RGS22: variants seen among roughly 807,000 people sequenced by gnomAD.
RGS22 encodes the protein regulator of G protein signaling 22, also known as regulator of G-protein signaling 22.
RGS22 carries 148 observed loss-of-function variants against 172.9 expected under a neutral mutation model. The ratio of observed to expected loss-of-function variants is 0.86; its 90% CI spans 0.75 to 0.98. The LOEUF (loss-of-function observed/expected upper bound fraction) is 0.98, where lower values mean the gene tolerates loss of function less well. RGS22 is among the 50% of genes least tolerant of loss of function. The probability of loss-of-function intolerance (pLI) is 0.00; values close to 1 mark genes in which losing one functional copy is unlikely to be tolerated. For missense variants in RGS22, 1,347 were observed against 1,440.8 expected (o/e 0.93, Z 1.05); for synonymous variants, 458 against 480.2 (o/e 0.95, Z 0.60).
Position 99,978,024 on chromosome 8 carries a change from T to C in RGS22, c.3412A>G (p.Arg1138Gly), listed in dbSNP as rs1812170999. Residue 1138 changes from arginine (R) to glycine (G), a missense_variant, in exon 23 of 28, where the codon AGG (arginine) becomes GGG (glycine). By Grantham distance (125) the Arg-to-Gly change is moderately radical. Coordinates refer to ENST00000360863, the MANE Select transcript of RGS22 (RefSeq NM_015668.5). ...FKFWPQFCEF[R>G]KNLTDENIMS... Reference sequence around the variant, plus strand: ...ATATTTTCATCTGTTAAATTCTTCCTAAACTCACAGAACTGAGGCCAGAAT... The same window carrying C: ...ATATTTTCATCTGTTAAATTCTTCCCAAACTCACAGAACTGAGGCCAGAAT... 1.9e-6 allele frequency: 3 copies of C among 1,547,650 alleles called. No individual in the cohort carries two copies. Among genetic ancestry groups the C allele is most frequent in the Non-Finnish European group, 1.7e-6 (2 of 1,157,316 alleles).
chr8:99,968,135 G>A (rs1810949569), intron 23 of RGS22, among the ~76,000 whole-genome samples: 1 of 152,224 alleles, frequency 6.6e-6, no homozygotes. Flanking sequence ...ACCTGCAGAA[G>A]AGGGGCCTGA....
At chr8:100,079,005 A>G (rs1382565517) in intron 4 of RGS22, among the ~76,000 whole-genome samples, 7 of 152,260 alleles carry the variant, frequency 4.6e-5, no homozygotes, top group Non-Finnish European at 8.8e-5. Flanking sequence ...TTAATTAATC[A>G]GTCTATCTTC....
chr8:100,076,874 T>G (rs1158359530), intron 4 of RGS22, among the ~76,000 whole-genome samples: 1 of 152,100 alleles, frequency 6.6e-6, no homozygotes, highest in African/African-American at 2.4e-5. Flanking sequence ...ATGCCTGTAA[T>G]CTCAGCTACC....
At chr8:99,976,293 C>T (rs1234571428) in intron 23 of RGS22, among the ~76,000 whole-genome samples, 1 of 152,140 alleles carries the variant, frequency 6.6e-6, no homozygotes, top group Non-Finnish European at 1.5e-5. Context: ...AGTTAAAAAA[C>T]ATTAAAACAG....
At chr8:100,021,746 CAAT>C (rs536747820) in intron 14 of RGS22, among the ~76,000 whole-genome samples, 98 of 145,800 alleles carry the variant, frequency 6.7e-4, no homozygotes, top group African/African-American at 2.3e-3. Context: ...TTATATAAAA[CAAT>C]GAGATGAACT....
At chr8:100,009,960 G>A (rs993808373) in intron 14 of RGS22, among the ~76,000 whole-genome samples, 1 of 152,144 alleles carries the variant, frequency 6.6e-6, no homozygotes, top group African/African-American at 2.4e-5. Context: ...TATAATACAG[G>A]ACGGTAAGTG....
chr8:100,077,033 T>C (rs1811405325), intron 4 of RGS22, among the ~76,000 whole-genome samples: 1 of 152,104 alleles, frequency 6.6e-6, no homozygotes, highest in South Asian at 2.1e-4. Context: ...TTAAATTCCA[T>C]GAGCTTATAG....
intron 12 of RGS22, among the ~76,000 whole-genome samples, chr8:100,040,380 T>A (rs1264178422): frequency 1.3e-5 from 2 of 152,224 alleles, no homozygotes; most frequent in Admixed American, 1.3e-4. Flanking sequence ...TCAGGCAAAG[T>A]AAGACCATTT....
chr8:99,965,534 G>A (rs1588861181), intron 23 of RGS22, 104 bp from the exon 24 acceptor site: 1 of 796,762 alleles, frequency 1.3e-6, no homozygotes, highest in Non-Finnish European at 2.0e-6. Context: ...ATATTTCATA[G>A]TGAGTGCTGC....
intron 7 of RGS22, among the ~76,000 whole-genome samples, chr8:100,065,732 C>G (rs187588721): frequency 3.3e-5 from 5 of 152,138 alleles, no homozygotes; most frequent in African/African-American, 1.2e-4. Context: ...CAATTTCCAT[C>G]AATAATTTTT....
At position 100,062,741 on chromosome 8, in the gene RGS22, T is replaced by C. The variant is rs1810243872; in HGVS notation, c.1364A>G (p.Lys455Arg). 6.3e-7 allele frequency: 1 copy of C among 1,598,484 alleles called. No homozygotes were observed. The highest frequency in any genetic ancestry group is 8.5e-7 in the Non-Finnish European group (1 of 1,174,160). The change falls in exon 9 of 28, where the codon AAG becomes AGG. Residue 455 changes from lysine (K) to arginine (R), a missense_variant. Coordinates refer to ENST00000360863, the MANE Select transcript of RGS22 (RefSeq NM_015668.5). The part of the protein sequence containing the change: ...DPGRHQRHLE[K>R]MKKCYLVSNG... ...GCTCACTAGATAGCATTTTTTCATC[T>C]TCTCAAGATGTCTGAAATAAAACAC...
intron 14 of RGS22, among the ~76,000 whole-genome samples, chr8:100,029,249 A>G (rs1818508380): frequency 6.6e-6 from 1 of 152,210 alleles, no homozygotes; most frequent in South Asian, 2.1e-4. Flanking sequence ...CAGAGAACCC[A>G]ATAAAGCTGT....
In RGS22 at chr8:100,071,537, C is replaced by T. The variant is rs1027944896; in HGVS notation, c.426G>A (p.Arg142=). The T allele has an allele frequency of 1.9e-6, 3 of 1,585,728 alleles. No homozygotes were observed. Among genetic ancestry groups the T allele is most frequent in the Non-Finnish European group, 2.6e-6 (3 of 1,169,362 alleles). Residue 142 remains arginine (R), a splice_region_variant and synonymous_variant, in exon 6 of 28, where the codon AGG becomes AGA. Coordinates refer to ENST00000360863, the MANE Select transcript of RGS22 (RefSeq NM_015668.5). ...TTACTTGTGAGACCAATTTGGCTAA[C>T]CTGCATTTTAGAAATCATACAAATT... The part of the protein sequence containing the change: ...FLESDCYFEY[R]LAKLVSQVRW...
intron 9 of RGS22, among the ~76,000 whole-genome samples, chr8:100,061,692 G>C (rs1810146790): frequency 6.6e-6 from 1 of 152,318 alleles, no homozygotes; most frequent in East Asian, 1.9e-4. Context: ...CTTATACACT[G>C]TTGGTGGGAG....
At chr8:99,996,870 C>T (rs1814455928) in intron 19 of RGS22, among the ~76,000 whole-genome samples, 1 of 152,198 alleles carries the variant, frequency 6.6e-6, no homozygotes, top group African/African-American at 2.4e-5. Flanking sequence ...ACTTTCACAA[C>T]TAATTTTAAA....
intron 9 of RGS22, among the ~76,000 whole-genome samples, chr8:100,055,775 T>C (rs1047262807): frequency 6.6e-6 from 1 of 152,190 alleles, no homozygotes; most frequent in African/African-American, 2.4e-5. Flanking sequence ...TTTTCTACCA[T>C]GATTGTGAGG....
At chr8:99,979,691 C>A (rs1332382883) in intron 22 of RGS22, among the ~76,000 whole-genome samples, 1 of 152,196 alleles carries the variant, frequency 6.6e-6, no homozygotes, top group East Asian at 1.9e-4. Context: ...ACTTTGCTCT[C>A]ATATCCAATT....
chr8:100,018,415 T>C lies in RGS22; in HGVS notation c.2167-9846A>G, dbSNP rs556144978. ...GCAGAAAAAAGAATGGAGAAAAAAA[T>C]TAGAATAAATGAAGACACACACACA... On this transcript the variant is annotated intron_variant, in intron 14 of 27. Coordinates refer to ENST00000360863, the MANE Select transcript of RGS22 (RefSeq NM_015668.5). 4.1e-5 allele frequency among the ~76,000 whole-genome samples: 5 copies of C among 123,094 alleles called. No homozygotes were observed. The East Asian group carries it at 1.2e-3, about 29-fold the overall frequency. 80.8% of individuals were successfully genotyped at this position (123,094 alleles called of 152,430 possible).
At chr8:100,065,496 T>G (rs535383387) in intron 7 of RGS22, among the ~76,000 whole-genome samples, 1 of 152,198 alleles carries the variant, frequency 6.6e-6, no homozygotes, top group African/African-American at 2.4e-5. Context: ...TGCTTATACT[T>G]CTTAAAGAGA....
Sources: allele counts gnomAD v4.1 joint callset (sites outside exome capture counted in the v4.1 genomes callset), GRCh38; gene constraint gnomAD v4.1.1; transcripts MANE v1.5; gene names NCBI Gene and HGNC (gene_info 2026-07-23, HGNC 2026-07-21).